PIP5K1B: variants seen among roughly 807,000 people sequenced by gnomAD.
PIP5K1B encodes phosphatidylinositol-4-phosphate 5-kinase type 1 beta.
In PIP5K1B, 42 loss-of-function variants were observed where a neutral mutation model predicts 67.0. The observed-to-expected ratio is 0.63, with a 90% CI of 0.49 to 0.81. The LOEUF is 0.81. Among genes scored for constraint, PIP5K1B ranks in the 30% least tolerant of loss-of-function variants. The probability of loss-of-function intolerance (pLI) is 0.00; values close to 1 mark genes in which losing one functional copy is unlikely to be tolerated. For missense variants in PIP5K1B, 459 were observed against 646.3 expected, an observed-to-expected ratio of 0.71 and a Z score of 3.14; for synonymous variants, 214 against 231.4, an observed-to-expected ratio of 0.92 and a Z score of 0.68.
intron 2 of PIP5K1B, among the ~76,000 whole-genome samples, chr9:68,761,230 C>G (rs1279220885): frequency 6.6e-6 from 1 of 152,054 alleles, no homozygotes; most frequent in Non-Finnish European, 1.5e-5. Flanking sequence ...CTTGCATGCA[C>G]AAAGCCTCAA....
chr9:68,970,859 A>G (rs1829325200), intron 14 of PIP5K1B, among the ~76,000 whole-genome samples: 1 of 152,184 alleles, frequency 6.6e-6, no homozygotes, highest in South Asian at 2.1e-4. Flanking sequence ...TCAAAATATT[A>G]TGCTAAAATT....
At chr9:68,732,021 G>A (rs909380575) in intron 1 of PIP5K1B, among the ~76,000 whole-genome samples, 4 of 152,176 alleles carry the variant, frequency 2.6e-5, no homozygotes, top group Non-Finnish European at 4.4e-5. Flanking sequence ...CTGTCTTCGA[G>A]GGATTCCTGA....
intron 12 of PIP5K1B, among the ~76,000 whole-genome samples, chr9:68,926,546 A>G (rs980662403): frequency 2.0e-5 from 3 of 152,070 alleles, no homozygotes; most frequent in African/African-American, 7.2e-5. Context: ...TTATGCAATC[A>G]TCACCATTTT....
At chr9:68,825,315 G>A (rs1321267375) in intron 4 of PIP5K1B, among the ~76,000 whole-genome samples, 3 of 152,178 alleles carry the variant, frequency 2.0e-5, no homozygotes, top group African/African-American at 7.2e-5. Flanking sequence ...GTTTGTATCT[G>A]GTTGGACTGA....
intron 1 of PIP5K1B, among the ~76,000 whole-genome samples, chr9:68,729,597 G>A (rs147322471): frequency 6.6e-6 from 1 of 152,132 alleles, no homozygotes; most frequent in African/African-American, 2.4e-5. Context: ...TAAGGTATGT[G>A]TATAATTATA....
chr9:68,740,907 G>A lies in PIP5K1B; in HGVS notation c.-242-1594G>A, dbSNP rs569690008. On this transcript the variant is annotated intron_variant, in intron 1 of 15. Coordinates refer to ENST00000265382, the MANE Select transcript of PIP5K1B (RefSeq NM_003558.4). ...ACTTCAGGCTCAGAAGCCACTTGGT[G>A]TGTCAGAGGTCTTTTACCTACAAAC... Among the ~76,000 whole-genome samples the A allele has an allele frequency of 3.0e-4, 46 of 152,334 alleles. 1 individual carries two copies. In the South Asian group the frequency reaches 9.5e-3, roughly 32 times the overall value.
chr9:68,734,500 T>C (rs1828629078), intron 1 of PIP5K1B, among the ~76,000 whole-genome samples: 1 of 152,174 alleles, frequency 6.6e-6, no homozygotes, highest in Non-Finnish European at 1.5e-5. Flanking sequence ...CTTTGTTGAG[T>C]GGTTGACCAG....
At chr9:68,876,006 T>G (rs967072423) in intron 5 of PIP5K1B, among the ~76,000 whole-genome samples, 4 of 152,334 alleles carry the variant, frequency 2.6e-5, no homozygotes, top group Admixed American at 1.3e-4. Flanking sequence ...AAGCAGCATT[T>G]TGGATTCATT....
At chr9:68,992,839 C>CAAAAAAAAAAAAAAAA (rs201517701) in intron 15 of PIP5K1B, among the ~76,000 whole-genome samples, 3 of 57,556 alleles carry the variant, frequency 5.2e-5, no homozygotes, top group Admixed American at 2.5e-4. Context: ...GACCCTGTCT[C>CAAAAAAAAAAAAAAAA]AAAAAAAAAA....
At chr9:68,902,130 A>G (rs572191080) in intron 8 of PIP5K1B, among the ~76,000 whole-genome samples, 1 of 152,160 alleles carries the variant, frequency 6.6e-6, no homozygotes, top group Non-Finnish European at 1.5e-5. Flanking sequence ...CCAGTTTTAC[A>G]TGCACATGTG....
chr9:68,865,847 G>A (rs1255088218), intron 5 of PIP5K1B, among the ~76,000 whole-genome samples: 1 of 152,226 alleles, frequency 6.6e-6, no homozygotes, highest in Non-Finnish European at 1.5e-5. Context: ...AGCACAGAAA[G>A]GTTTGAGAAC....
At chr9:68,764,478 G>T (rs910090299) in intron 2 of PIP5K1B, among the ~76,000 whole-genome samples, 1 of 152,044 alleles carries the variant, frequency 6.6e-6, no homozygotes, top group Admixed American at 6.6e-5. Flanking sequence ...TATAAAATTT[G>T]TCTCATGAAG....
chr9:68,997,976 T>TC (rs1830665939), intron 15 of PIP5K1B, among the ~76,000 whole-genome samples: 1 of 151,972 alleles, frequency 6.6e-6, no homozygotes, highest in African/African-American at 2.4e-5. Flanking sequence ...TTTTTTTCTT[T>TC]TTTTTTTTCT....
intron 2 of PIP5K1B, among the ~76,000 whole-genome samples, chr9:68,772,307 T>G (rs1333950939): frequency 6.6e-6 from 1 of 152,162 alleles, no homozygotes; most frequent in African/African-American, 2.4e-5. Context: ...CTCTTCTTAT[T>G]TTGTCTGAGA....
At chr9:68,757,151 A>C (rs1277754701) in intron 2 of PIP5K1B, among the ~76,000 whole-genome samples, 3 of 152,180 alleles carry the variant, frequency 2.0e-5, no homozygotes, top group Non-Finnish European at 1.5e-5. Flanking sequence ...TTTTTTAAAA[A>C]CTTTAATTAC....
chr9:68,814,364 TAAC>T (rs1833324681), intron 2 of PIP5K1B, among the ~76,000 whole-genome samples: 1 of 152,322 alleles, frequency 6.6e-6, no homozygotes, highest in East Asian at 1.9e-4. Context: ...ATAAGTATAG[TAAC>T]AACAAATGTA....
intron 1 of PIP5K1B, among the ~76,000 whole-genome samples, chr9:68,732,951 T>TGATGAC (rs1828522809): frequency 6.6e-6 from 1 of 151,852 alleles, no homozygotes; most frequent in Non-Finnish European, 1.5e-5. Context: ...ATGATGATGA[T>TGATGAC]GATGACGACG....
intron 8 of PIP5K1B, among the ~76,000 whole-genome samples, chr9:68,908,131 G>A (rs967454620): frequency 1.2e-4 from 19 of 152,088 alleles, no homozygotes; most frequent in African/African-American, 3.1e-4. Context: ...CTCTGCTGAC[G>A]TACCAGTTAA....
intron 14 of PIP5K1B, among the ~76,000 whole-genome samples, chr9:68,945,880 A>G (rs1172971469): frequency 1.3e-5 from 2 of 152,232 alleles, no homozygotes; most frequent in Non-Finnish European, 2.9e-5. Context: ...TCTCGTCTTC[A>G]TCTTTTTGCC....
Sources: allele counts gnomAD v4.1 joint callset (sites outside exome capture counted in the v4.1 genomes callset), GRCh38; gene constraint gnomAD v4.1.1; transcripts MANE v1.5; gene names NCBI Gene and HGNC (gene_info 2026-07-23, HGNC 2026-07-21).